The following SGCD variants were observed in gnomAD, a reference collection of about 807,000 sequenced individuals.
SGCD encodes sarcoglycan delta.
SGCD carries 18 observed loss-of-function variants against 36.6 expected under a neutral mutation model. The ratio of observed to expected loss-of-function variants is 0.49; its 90% CI spans 0.34 to 0.73. The LOEUF (loss-of-function observed/expected upper bound fraction) is 0.73, where lower values mean the gene tolerates loss of function less well. Among genes scored for constraint, SGCD ranks in the 30% least tolerant of loss-of-function variants. The pLI, the probability that SGCD is intolerant of heterozygous loss-of-function variation, is 0.01. For synonymous variants in SGCD, 133 were observed against 130.6 expected, an observed-to-expected ratio of 1.02 and a Z score of -0.12; for missense variants, 387 against 346.7, an observed-to-expected ratio of 1.12 and a Z score of -0.92.
In SGCD at chr5:156,487,813, A is replaced by AAAAAAAAAAAAAAGAAAAAG. The variant is rs1554107842; in HGVS notation, c.193-20785_193-20784insAAAAAAAAAAGAAAAAGAAA. On this transcript the variant is annotated intron_variant, in intron 3 of 8. Coordinates refer to ENST00000337851, the MANE Select transcript of SGCD (RefSeq NM_000337.6). ...CAAAAAAAAAAAAAAAAAAAAAAAA[A>AAAAAAAAAAAAAAGAAAAAG]AAAGAAAGAAAGAAAAAGCTTAACA... 2.6e-5 allele frequency among the ~76,000 whole-genome samples: 2 copies of AAAAAAAAAAAAAAGAAAAAG among 77,798 alleles called. 1 individual carries two copies. The highest frequency in any genetic ancestry group is 5.0e-5 in the Non-Finnish European group (2 of 40,108). 51.0% of individuals were successfully genotyped at this position (77,798 alleles called of 152,430 possible).
intron 3 of SGCD, among the ~76,000 whole-genome samples, chr5:156,423,950 T>A (rs1168393289): frequency 6.6e-6 from 1 of 151,970 alleles, no homozygotes; most frequent in African/African-American, 2.4e-5. Context: ...CATATTATAG[T>A]TTTAGGGTGA....
intron 7 of SGCD, among the ~76,000 whole-genome samples, chr5:156,661,360 G>GT (rs1763911470): frequency 1.3e-5 from 1 of 79,298 alleles, no homozygotes; most frequent in African/African-American, 5.0e-5. Context: ...CTTACAGTTT[G>GT]TTGTAATAAA....
At chr5:156,256,053 T>C (rs1001160817) in intron 3 of SGCD, among the ~76,000 whole-genome samples, 5 of 152,214 alleles carry the variant, frequency 3.3e-5, no homozygotes, top group South Asian at 2.1e-4. Context: ...AATATGCTTT[T>C]AGTTTTGCAT....
chr5:156,743,847 G>A (rs1040929268), intron 7 of SGCD, among the ~76,000 whole-genome samples: 2 of 152,228 alleles, frequency 1.3e-5, no homozygotes, highest in African/African-American at 4.8e-5. Context: ...GAAGGAGCTT[G>A]AGTTTCAAAG....
intron 1 of SGCD, among the ~76,000 whole-genome samples, chr5:156,009,151 T>G (rs1758809881): frequency 6.6e-6 from 1 of 152,210 alleles, no homozygotes; most frequent in Non-Finnish European, 1.5e-5. Context: ...GGTACTTTCC[T>G]CTCTGTAAAA....
intron 4 of SGCD, among the ~76,000 whole-genome samples, chr5:156,579,172 C>T (rs192824676): frequency 2.0e-5 from 3 of 152,136 alleles, no homozygotes; most frequent in Admixed American, 2.0e-4. Flanking sequence ...GTGATGTACC[C>T]AGTAGTCATT....
At chr5:156,499,220 C>T (rs186725965) in intron 3 of SGCD, among the ~76,000 whole-genome samples, 1 of 152,206 alleles carries the variant, frequency 6.6e-6, no homozygotes, top group Admixed American at 6.5e-5. Context: ...TTAATGAATA[C>T]AGTGCAGACC....
At chr5:156,296,980 ACACT>A (rs1408347045) in intron 3 of SGCD, among the ~76,000 whole-genome samples, 1 of 151,750 alleles carries the variant, frequency 6.6e-6, no homozygotes, top group East Asian at 1.9e-4. Context: ...ATATATGTAC[ACACT>A]CTATATAGTT....
chr5:156,558,441 G>T (rs1759131189), intron 4 of SGCD, among the ~76,000 whole-genome samples: 1 of 152,038 alleles, frequency 6.6e-6, no homozygotes, highest in Non-Finnish European at 1.5e-5. Context: ...TTGTCATGTT[G>T]CTGTTAGTTT....
chr5:156,608,587 C>G (rs528584906), intron 6 of SGCD, among the ~76,000 whole-genome samples: 4 of 152,250 alleles, frequency 2.6e-5, no homozygotes, highest in East Asian at 3.9e-4. Context: ...GAGTTCAATT[C>G]CTGGATATCC....
intron 3 of SGCD, among the ~76,000 whole-genome samples, chr5:156,390,352 G>C (rs994592878): frequency 6.6e-6 from 1 of 152,208 alleles, no homozygotes; most frequent in African/African-American, 2.4e-5. Flanking sequence ...AAGATGTGGA[G>C]GTGGAAGACA....
At chr5:155,891,749 G>A (rs1756136581) in intron 1 of SGCD, among the ~76,000 whole-genome samples, 1 of 151,832 alleles carries the variant, frequency 6.6e-6, no homozygotes, top group South Asian at 2.1e-4. Flanking sequence ...TAATGGAGAA[G>A]CCCTAGGGAC....
intron 1 of SGCD, among the ~76,000 whole-genome samples, chr5:156,082,088 C>T (rs1760969682): frequency 6.6e-6 from 1 of 152,094 alleles, no homozygotes; most frequent in African/African-American, 2.4e-5. Flanking sequence ...CAGATGTCAG[C>T]CTTAATTTTT....
chr5:156,478,125 A>G (rs1198631771), intron 3 of SGCD, among the ~76,000 whole-genome samples: 1 of 152,116 alleles, frequency 6.6e-6, no homozygotes, highest in African/African-American at 2.4e-5. Flanking sequence ...TGTTAAGTAG[A>G]AATAATGGTT....
intron 6 of SGCD, among the ~76,000 whole-genome samples, chr5:156,632,049 G>A (rs1762658539): frequency 6.6e-6 from 1 of 152,184 alleles, no homozygotes; most frequent in Admixed American, 6.5e-5. Context: ...GAGAAGTCTA[G>A]ATATGACCAT....
At chr5:156,214,196 C>T (rs1347873375) in intron 3 of SGCD, among the ~76,000 whole-genome samples, 1 of 151,866 alleles carries the variant, frequency 6.6e-6, no homozygotes, top group African/African-American at 2.4e-5. Context: ...GATCTTAATA[C>T]ACAGAAAACC....
At chr5:156,457,307 A>G (rs560394741) in intron 3 of SGCD, among the ~76,000 whole-genome samples, 2 of 152,312 alleles carry the variant, frequency 1.3e-5, no homozygotes, top group African/African-American at 4.8e-5. Context: ...ATAATTTCTG[A>G]CATATATAAA....
chr5:156,404,394 G>T (rs1772306567), intron 3 of SGCD, among the ~76,000 whole-genome samples: 1 of 152,130 alleles, frequency 6.6e-6, no homozygotes, highest in Non-Finnish European at 1.5e-5. Context: ...CCAGAGCAAG[G>T]GGTTCACCTC....
At chr5:156,015,580 G>T (rs1758954447) in intron 1 of SGCD, among the ~76,000 whole-genome samples, 2 of 151,522 alleles carry the variant, frequency 1.3e-5, no homozygotes, top group Admixed American at 1.3e-4. Flanking sequence ...ACAGAAAAAG[G>T]GTGCATATAT....
Sources: allele counts gnomAD v4.1 joint callset (sites outside exome capture counted in the v4.1 genomes callset), GRCh38; gene constraint gnomAD v4.1.1; transcripts MANE v1.5; gene names NCBI Gene and HGNC (gene_info 2026-07-23, HGNC 2026-07-21).